The following RPL35A variants were observed in gnomAD, a reference collection of about 807,000 sequenced individuals.
RPL35A encodes large ribosomal subunit protein eL33.
Under a neutral mutation model 16.7 loss-of-function variants are expected in RPL35A, and 1 was observed. The observed-to-expected ratio is 0.06, with a 90% CI of 0.02 to 0.28. The LOEUF (loss-of-function observed/expected upper bound fraction) is 0.28, where lower values mean the gene tolerates loss of function less well. Ranked by LOEUF, RPL35A falls within the 10% of genes least tolerant of loss-of-function variation. RPL35A has a pLI of 1.00. For missense variants in RPL35A, 91 were observed against 138.7 expected (o/e 0.66, Z 1.73); for synonymous variants, 58 against 47.0 (o/e 1.23, Z -0.96).
rs183272907 is a variant in RPL35A, at chr3:197,956,147, G to A, written c.*374G>A. 3.1e-3 allele frequency: 859 copies of A among 274,004 alleles called. 8 individuals carry two copies. The highest frequency in any genetic ancestry group is 5.2e-3 in the Non-Finnish European group (727 of 139,212). The allele number at this position is 274,004 out of a possible 1,614,324, so 17.0% of individuals were successfully genotyped here. On this transcript the variant is annotated 3_prime_UTR_variant, in exon 5 of 5. Transcript: ENST00000647248. ...CATTTTTAAATTTTTTGTAGAGAGG[G>A]TCTGACTCTTGCCTATGCTGGCTTC...
chr3:197,954,348 G>T (rs1232516664), intron 4 of RPL35A: 1 of 615,680 alleles, frequency 1.6e-6, no homozygotes, highest in Non-Finnish European at 2.9e-6. Context: ...TTTTTTTTTG[G>T]GGGGAGACAG....
chr3:197,955,911 G>C lies in RPL35A; in HGVS notation c.*138G>C. Reference sequence around the variant, plus strand: ...CTCAGCATTTTTGGAGTACAAGGGGGTCAGAGAGACATGTGATGAAAATTA... The same window carrying C: ...CTCAGCATTTTTGGAGTACAAGGGGCTCAGAGAGACATGTGATGAAAATTA... On this transcript the variant is annotated 3_prime_UTR_variant, in exon 5 of 5. Coordinates refer to ENST00000647248, the MANE Select transcript of RPL35A (RefSeq NM_000996.4). 1 of 737,996 alleles carries C rather than the reference G, an allele frequency of 1.4e-6. No individual in the cohort carries two copies. The highest frequency in any genetic ancestry group is 2.4e-6 in the Non-Finnish European group (1 of 415,938). The allele number at this position is 737,996 out of a possible 1,614,324, so 45.7% of individuals were successfully genotyped here.
In RPL35A at chr3:197,953,469, A is replaced by G. The variant is rs181991939; in HGVS notation, c.165-534A>G. ...GTAAAAGCCCGTCATTAAGAGCTCCATAATTCTCTTTATCTCAGCTGGGAT... is the reference window on the plus strand; with the variant it reads ...GTAAAAGCCCGTCATTAAGAGCTCCGTAATTCTCTTTATCTCAGCTGGGAT... On this transcript the variant is annotated intron_variant, in intron 3 of 4. Coordinates refer to ENST00000647248, the MANE Select transcript of RPL35A (RefSeq NM_000996.4). The G allele has an allele frequency of 5.9e-5, 27 of 456,810 alleles. No homozygotes were observed. The East Asian group carries it at 1.7e-3, about 28-fold the overall frequency. The allele number at this position is 456,810 out of a possible 1,614,324, so 28.3% of individuals were successfully genotyped here.
At chr3:197,953,081 G>A (rs1309329093) in intron 3 of RPL35A, among the ~76,000 whole-genome samples, 2 of 152,236 alleles carry the variant, frequency 1.3e-5, no homozygotes, top group Admixed American at 6.5e-5. Flanking sequence ...TTACAGGCGT[G>A]AGCCATCGTG....
At chr3:197,954,890 G>A (rs1720410632) in intron 4 of RPL35A, among the ~76,000 whole-genome samples, 1 of 152,266 alleles carries the variant, frequency 6.6e-6, no homozygotes, top group African/African-American at 2.4e-5. Context: ...GTTACGCCTG[G>A]CATAATTGTT....
intron 4 of RPL35A, among the ~76,000 whole-genome samples, chr3:197,955,365 C>T (rs776851587): frequency 9.9e-5 from 15 of 151,560 alleles, no homozygotes; most frequent in Admixed American, 6.6e-4. Context: ...CAGGTTCAAG[C>T]GATTCTCCTG....
intron 1 of RPL35A, 175 bp downstream of exon 1, chr3:197,950,396 CCT>C (rs1296775660): frequency 1.8e-6 from 2 of 1,127,224 alleles, no homozygotes; most frequent in Non-Finnish European, 2.2e-6. Context: ...TGTTTGGTCC[CCT>C]GACACCCGGA....
chr3:197,954,520 GT>G, intron 4 of RPL35A: 2 of 331,436 alleles, frequency 6.0e-6, no homozygotes, highest in Non-Finnish European at 1.2e-5. Flanking sequence ...TTTTTGTTGT[GT>G]TTTTTTGAGA....
intron 3 of RPL35A, among the ~76,000 whole-genome samples, chr3:197,953,089 G>A (rs1287288155): frequency 6.6e-6 from 1 of 152,210 alleles, no homozygotes; most frequent in Non-Finnish European, 1.5e-5. Flanking sequence ...GTGAGCCATC[G>A]TGCCATTGCA....
At chr3:197,951,384 T>C in intron 3 of RPL35A, 73 bp downstream of exon 3, 1 of 1,510,896 alleles carries the variant, frequency 6.6e-7, no homozygotes, top group Non-Finnish European at 9.2e-7. Flanking sequence ...AACGGAGTCT[T>C]GCTCTGTTGC....
chr3:197,950,924 G>T lies in RPL35A; in HGVS notation c.-32-12G>T, dbSNP rs768524652. 8.1e-6 allele frequency: 13 copies of T among 1,613,660 alleles called. No individual in the cohort carries two copies. The highest frequency in any genetic ancestry group is 1.7e-5 in the Admixed American group (1 of 59,968). ...GGCTTGGTTTTAAACTAATCTTTTT[G>T]TTTGTTTTAAGGCCTGCTGGGAACG... On this transcript the variant is annotated splice_polypyrimidine_tract_variant and intron_variant, in intron 1 of 4. Transcript: ENST00000647248.
chr3:197,953,753 A>G (rs1359656498), intron 3 of RPL35A: 13 of 570,076 alleles, frequency 2.3e-5, no homozygotes, highest in Non-Finnish European at 3.4e-5. Context: ...TGACCTATGT[A>G]TTTTCCTTAA....
At chr3:197,955,631 T>G (rs140573223) in intron 4 of RPL35A, 119 bp from the exon 5 acceptor site, 58 of 918,824 alleles carry the variant, frequency 6.3e-5, no homozygotes, top group Non-Finnish European at 8.9e-5. Flanking sequence ...ATAAAAACTT[T>G]CCTTACCACT....
In RPL35A at chr3:197,956,605, G is replaced by GCAT. The variant is rs1428502555; in HGVS notation, c.*835_*837dup. The GCAT allele has an allele frequency of 6.7e-6, 1 of 150,088 alleles. No individual in the cohort carries two copies. Among genetic ancestry groups the GCAT allele is most frequent in the Middle Eastern group, 3.2e-3 (1 of 308 alleles). 9.3% of individuals were successfully genotyped at this position (150,088 alleles called of 1,614,324 possible). ...GATATGCTAAAATAAAACAACTAAG[G>GCAT]CATCAGTTTTGCTGTATGGTTTTTT... On this transcript the variant is annotated 3_prime_UTR_variant, in exon 5 of 5. Transcript: ENST00000647248.
intron 3 of RPL35A, 96 bp from the exon 4 acceptor site, chr3:197,953,907 G>A: frequency 8.1e-7 from 1 of 1,236,848 alleles, no homozygotes; most frequent in Non-Finnish European, 1.2e-6. Flanking sequence ...GATGAAGTGG[G>A]TAACCAGGGT....
At chr3:197,951,054 A>G (rs1412354659) in intron 2 of RPL35A, 76 bp downstream of exon 2, 1 of 1,605,388 alleles carries the variant, frequency 6.2e-7, no homozygotes, top group Admixed American at 1.7e-5. Flanking sequence ...ATTGGCAAGA[A>G]AAAACTTAGA....
At chr3:197,953,575 A>T (rs1358279461) in intron 3 of RPL35A, 1 of 457,676 alleles carries the variant, frequency 2.2e-6, no homozygotes, top group African/African-American at 2.0e-5. Context: ...TCATCCCGTG[A>T]TCACTTCATG....
At position 197,951,141 on chromosome 3, in the gene RPL35A, G is replaced by A. The variant is rs373448841; in HGVS notation, c.12-18G>A. On this transcript the variant is annotated intron_variant, in intron 2 of 4. Coordinates refer to ENST00000647248, the MANE Select transcript of RPL35A (RefSeq NM_000996.4). The stretch of plus-strand genomic sequence containing the variant: ...TTTTGAAGCTTATGTTTCATGTTGT[G>A]TATCTTTTGTGTCTTAGGCTGTGGT... 2.3e-4 allele frequency: 373 copies of A among 1,613,932 alleles called. No homozygotes were observed. Among genetic ancestry groups the A allele is most frequent in the Non-Finnish European group, 3.0e-4 (353 of 1,180,038 alleles).
intron 4 of RPL35A, among the ~76,000 whole-genome samples, 166 bp from the exon 5 acceptor site, chr3:197,955,584 C>T (rs773843379): frequency 1.1e-4 from 17 of 152,016 alleles, no homozygotes; most frequent in Non-Finnish European, 2.1e-4. Context: ...TTATGAGTGC[C>T]GGTTCTTACG....
Sources: gnomAD v4.1 joint callset for allele counts (sites outside exome capture counted in the v4.1 genomes callset) on GRCh38, gnomAD v4.1.1 for gene constraint, MANE v1.5 for transcripts, NCBI Gene and HGNC (gene_info 2026-07-23, HGNC 2026-07-21) for gene names.